Variants in DSE observed in about 807,000 individuals in gnomAD.
DSE encodes dermatan sulfate epimerase.
In DSE, 36 loss-of-function variants were observed where a neutral mutation model predicts 84.4. The observed-to-expected ratio is 0.43, with a 90% CI of 0.33 to 0.56. The LOEUF is 0.56. DSE is among the 20% of genes least tolerant of loss of function. The pLI, the probability that DSE is intolerant of heterozygous loss-of-function variation, is 0.06. For missense variants in DSE, 862 were observed against 1,169.6 expected, an observed-to-expected ratio of 0.74 and a Z score of 3.84; for synonymous variants, 410 against 430.1, an observed-to-expected ratio of 0.95 and a Z score of 0.58.
chr6:116,436,825 C>T lies in DSE; in HGVS notation c.2357C>T (p.Thr786Ile). Residue 786 changes from threonine (T) to isoleucine (I), a missense_variant, in exon 6 of 6, where the codon ACT (threonine) becomes ATT (isoleucine). By Grantham distance (89) the Thr-to-Ile change is moderately conservative. Around this residue, in one of 4 missense-constraint regions of DSE, gnomAD observed 315 missense variants for 348.1 expected, o/e 0.90. Coordinates refer to ENST00000644252, the MANE Select transcript of DSE (RefSeq NM_013352.4). ...RLLRFSDKRQTEEAIDRIFAI... is the reference protein window; with the variant it reads ...RLLRFSDKRQIEEAIDRIFAI... ...CTGAGATTTTCAGATAAGAGACAGA[C>T]TGAGGAGGCCATTGACAGGATTTTT... 1 of 1,614,104 alleles carries T rather than the reference C, an allele frequency of 6.2e-7. No homozygotes were observed. The highest frequency in any genetic ancestry group is 8.5e-7 in the Non-Finnish European group (1 of 1,180,002).
At chr6:116,360,622 T>C (rs1189023704) in intron 2 of DSE, among the ~76,000 whole-genome samples, 2 of 152,224 alleles carry the variant, frequency 1.3e-5, no homozygotes, top group Non-Finnish European at 1.5e-5. Flanking sequence ...ATACTTAATA[T>C]GTACATAAAT....
intron 2 of DSE, among the ~76,000 whole-genome samples, chr6:116,274,706 AGT>A (rs1773044184): frequency 6.6e-6 from 1 of 152,250 alleles, no homozygotes; most frequent in Non-Finnish European, 1.5e-5. Flanking sequence ...ATATCAAGAA[AGT>A]GTTGCACAGT....
Position 116,431,197 on chromosome 6 carries a change from T to C in DSE, c.910+4T>C. On this transcript the variant is annotated splice_donor_region_variant and intron_variant, in intron 4 of 5. Coordinates refer to ENST00000644252, the MANE Select transcript of DSE (RefSeq NM_013352.4). ...ATGTATAGAACCATCCTGCCAGGTA[T>C]AGTGAGGAGTCAGAAGTGTGAAAAC... is the stretch of plus-strand genomic sequence containing the variant. 1 of 1,613,970 alleles carries C rather than the reference T, an allele frequency of 6.2e-7. No homozygotes were observed. The highest frequency in any genetic ancestry group is 8.5e-7 in the Non-Finnish European group (1 of 1,179,900).
At position 116,381,617 on chromosome 6, in the gene DSE, A is replaced by T. The variant is rs531130423; in HGVS notation, c.-54+10496A>T. Among the ~76,000 whole-genome samples the T allele has an allele frequency of 1.2e-3, 189 of 152,280 alleles. 1 individual carries two copies. The highest frequency in any genetic ancestry group is 4.2e-3 in the Admixed American group (64 of 15,286). On this transcript the variant is annotated intron_variant, in intron 1 of 5. Transcript: ENST00000644252. Reference sequence around the variant, plus strand: ...AGGTGAAGATACAAATTATACAAGTAACTGCATTATGGGGCTGTGGTAAGG... The same window carrying T: ...AGGTGAAGATACAAATTATACAAGTTACTGCATTATGGGGCTGTGGTAAGG...
At chr6:116,433,256 A>C in intron 4 of DSE, 87 bp from the exon 5 acceptor site, 1 of 1,285,160 alleles carries the variant, frequency 7.8e-7, no homozygotes, top group Non-Finnish European at 1.1e-6. Context: ...TCTAATTTGC[A>C]ACTAGATTTG....
At chr6:116,375,119 C>T (rs1306908246) in intron 1 of DSE, among the ~76,000 whole-genome samples, 1 of 151,854 alleles carries the variant, frequency 6.6e-6, no homozygotes, top group Non-Finnish European at 1.5e-5. Context: ...ATATATAAGC[C>T]CAGAGTACTG....
At chr6:116,263,120 T>A (rs1219842307) in intron 2 of DSE, among the ~76,000 whole-genome samples, 1 of 152,232 alleles carries the variant, frequency 6.6e-6, no homozygotes, top group East Asian at 1.9e-4. Flanking sequence ...TGTAGATGTC[T>A]ATCAGGTTCA....
At chr6:116,296,605 T>C (rs956621347) in intron 2 of DSE, among the ~76,000 whole-genome samples, 1 of 152,120 alleles carries the variant, frequency 6.6e-6, no homozygotes, top group African/African-American at 2.4e-5. Context: ...GATGTAAAGA[T>C]CCACTAGGAA....
rs78695837 is a variant in DSE, at chr6:116,318,521, A to T, written c.-54+59554A>T. On this transcript the variant is annotated intron_variant, in intron 2 of 3. Coordinates refer to the DSE transcript ENST00000430252. ...CATCTCAAAAGAAAAAAAAAAAAGA[A>T]AGAGAAGAAGACTGAAAAAGCAAAA... Among the ~76,000 whole-genome samples, 823 of 151,042 alleles carry T rather than the reference A, an allele frequency of 5.4e-3. 10 individuals are homozygous for T. Among genetic ancestry groups the T allele is most frequent in the African/African-American group, 0.019 (792 of 41,158 alleles).
intron 2 of DSE, among the ~76,000 whole-genome samples, chr6:116,298,440 G>A (rs893481861): frequency 4.6e-5 from 7 of 152,200 alleles, no homozygotes; most frequent in Non-Finnish European, 8.8e-5. Context: ...AGTGTGTGAA[G>A]AACTCAACCA....
At chr6:116,278,856 A>G in intron 2 of DSE, 2 of 1,614,104 alleles carry the variant, frequency 1.2e-6, no homozygotes, top group Non-Finnish European at 1.7e-6. Context: ...GGTTTCTTCT[A>G]AAGAAGAACT....
At chr6:116,279,668 C>A (rs1459934209) in intron 2 of DSE, 1 of 1,607,910 alleles carries the variant, frequency 6.2e-7, no homozygotes, top group East Asian at 2.2e-5. Flanking sequence ...GCGACGGTCT[C>A]CGAGCCTCCC....
upstream of DSE, among the ~76,000 whole-genome samples, chr6:116,367,935 T>C (rs1779256893): frequency 6.6e-6 from 1 of 152,172 alleles, no homozygotes; most frequent in Non-Finnish European, 1.5e-5. Context: ...GGCAAGAAAC[T>C]TTTCACAGAT....
chr6:116,262,613 T>G (rs1210044338), intron 2 of DSE, among the ~76,000 whole-genome samples: 1 of 152,218 alleles, frequency 6.6e-6, no homozygotes, highest in Non-Finnish European at 1.5e-5. Context: ...TAAATCTCCT[T>G]CAGTTCAGCC....
chr6:116,302,972 G>A (rs950339220), intron 2 of DSE, among the ~76,000 whole-genome samples: 4 of 152,054 alleles, frequency 2.6e-5, no homozygotes, highest in South Asian at 2.1e-4. Context: ...TATTATTTCC[G>A]AGGCCTCTGT....
At chr6:116,335,823 T>C (rs1277770961) in intron 2 of DSE, among the ~76,000 whole-genome samples, 4 of 152,236 alleles carry the variant, frequency 2.6e-5, no homozygotes, top group African/African-American at 9.6e-5. Context: ...TATGCTGACT[T>C]AGGAAGATTG....
chr6:116,294,736 C>T (rs1774547575), intron 2 of DSE, among the ~76,000 whole-genome samples: 1 of 152,134 alleles, frequency 6.6e-6, no homozygotes, highest in South Asian at 2.1e-4. Flanking sequence ...CAGAGTTTCA[C>T]CATCTAGTCT....
intron 2 of DSE, among the ~76,000 whole-genome samples, chr6:116,285,599 C>T (rs1338734948): frequency 6.6e-6 from 1 of 152,162 alleles, no homozygotes; most frequent in Admixed American, 6.5e-5. Context: ...CTTGCCCATG[C>T]CTATGTCCTG....
At chr6:116,385,782 A>G (rs984252717) in intron 1 of DSE, among the ~76,000 whole-genome samples, 4 of 150,356 alleles carry the variant, frequency 2.7e-5, no homozygotes, top group Non-Finnish European at 4.4e-5. Context: ...AAATAAGTAC[A>G]TATAAAAATG....
Sources: gnomAD v4.1 joint callset for allele counts (sites outside exome capture counted in the v4.1 genomes callset) on GRCh38, gnomAD v4.1.1 for gene constraint, gnomAD v4.1.1 regional missense constraint, MANE v1.5 for transcripts, NCBI Gene and HGNC (gene_info 2026-07-23, HGNC 2026-07-21) for gene names.